The following CACNA1B variants were observed in gnomAD, a reference collection of about 807,000 sequenced individuals.
CACNA1B encodes calcium voltage-gated channel subunit alpha1 B, also known as voltage-dependent N-type calcium channel subunit alpha-1B.
CACNA1B carries 70 observed loss-of-function variants against 247.2 expected under a neutral mutation model. That is an observed-to-expected ratio of 0.28 (90% CI 0.23 to 0.35). The LOEUF (loss-of-function observed/expected upper bound fraction) is 0.35. Among genes scored for constraint, CACNA1B ranks in the 10% least tolerant of loss-of-function variants. The pLI is 1.00. For missense variants in CACNA1B, 2,367 were observed against 3,197.4 expected (o/e 0.74, Z 6.26); for synonymous variants, 1,231 against 1,294.4 (o/e 0.95, Z 1.05).
intron 39 of CACNA1B, 119 bp downstream of exon 39, chr9:138,105,926 G>C (rs1200483158): frequency 3.1e-6 from 2 of 652,284 alleles, no homozygotes; most frequent in African/African-American, 3.6e-5. Context: ...TGTCTGGAGG[G>C]GTCTGAGGAC....
At chr9:138,065,354 A>G (rs146913177) in intron 31 of CACNA1B, among the ~76,000 whole-genome samples, 243 of 152,052 alleles carry the variant, frequency 1.6e-3, no homozygotes, top group African/African-American at 5.5e-3. Flanking sequence ...AGTGGCCGGC[A>G]TTGGAAGTGA....
At chr9:138,016,280 G>A (rs1050945807) in intron 18 of CACNA1B, among the ~76,000 whole-genome samples, 1 of 152,258 alleles carries the variant, frequency 6.6e-6, no homozygotes, top group Non-Finnish European at 1.5e-5. Context: ...GGCACAGAGA[G>A]CTTGGCCTTG....
At chr9:138,108,947 C>T (rs568608690) in intron 39 of CACNA1B, among the ~76,000 whole-genome samples, 8 of 152,256 alleles carry the variant, frequency 5.3e-5, no homozygotes, top group East Asian at 1.9e-4. Context: ...CCACTGCACC[C>T]GGCCAAACTG....
At chr9:137,946,140 C>T (rs781549670) in intron 6 of CACNA1B, among the ~76,000 whole-genome samples, 1 of 152,112 alleles carries the variant, frequency 6.6e-6, no homozygotes, top group Non-Finnish European at 1.5e-5. Flanking sequence ...TTTAAAACAA[C>T]AGTCATTTTA....
chr9:138,064,500 A>G (rs1564268168), intron 31 of CACNA1B, among the ~76,000 whole-genome samples: 1 of 152,190 alleles, frequency 6.6e-6, no homozygotes, highest in African/African-American at 2.4e-5. Context: ...ATTCTTTTGA[A>G]TTCTATATTT....
Position 137,919,499 on chromosome 9 carries a change from G to A in CACNA1B, c.966+2068G>A, listed in dbSNP as rs945893830. Among the ~76,000 whole-genome samples the A allele has an allele frequency of 6.6e-6, 1 of 152,216 alleles. No homozygotes were observed. Among genetic ancestry groups the A allele is most frequent in the South Asian group, 2.1e-4 (1 of 4,834 alleles). On this transcript the variant is annotated intron_variant, in intron 6 of 46. Coordinates refer to ENST00000371372, the MANE Select transcript of CACNA1B (RefSeq NM_000718.4). This position sits in a 1 kb window ranked among gnomAD's most constrained non-coding sequence, Gnocchi z 4.6. ...GCCCCAGAGCAGGTAGCCAAGAACC[G>A]ACCAGTCCGCTCCTCCACACTAAGG... is the stretch of plus-strand genomic sequence containing the variant.
chr9:137,982,902 G>A (rs1261752314), intron 12 of CACNA1B, among the ~76,000 whole-genome samples: 2 of 152,196 alleles, frequency 1.3e-5, no homozygotes, highest in Non-Finnish European at 2.9e-5. Flanking sequence ...TCTGAATGGC[G>A]ATCTGTGGAC....
intron 31 of CACNA1B, among the ~76,000 whole-genome samples, chr9:138,066,115 A>C (rs28756857): frequency 0.2 from 31,064 of 152,192 alleles, 9,233 homozygotes; most frequent in African/African-American, 0.66. Flanking sequence ...CAGTTGGATA[A>C]GGAAGAGATC....
intron 35 of CACNA1B, among the ~76,000 whole-genome samples, chr9:138,077,019 C>T (rs80205796): frequency 0.014 from 2,081 of 152,320 alleles, 51 homozygotes; most frequent in African/African-American, 0.047. Context: ...CCTCATGCCG[C>T]GGAAGACTTA....
intron 16 of CACNA1B, among the ~76,000 whole-genome samples, chr9:138,009,801 G>C (rs1329123216): frequency 1.3e-5 from 2 of 152,168 alleles, no homozygotes; most frequent in Non-Finnish European, 2.9e-5. Context: ...AGGAGGGATT[G>C]GCAGAGAGGC....
intron 10 of CACNA1B, among the ~76,000 whole-genome samples, chr9:137,958,283 T>C (rs1957972662): frequency 6.6e-6 from 1 of 152,196 alleles, no homozygotes; most frequent in African/African-American, 2.4e-5. Flanking sequence ...CTGTCCTCAC[T>C]CAGCACTAGG....
At chr9:137,969,970 C>T (rs1958126497) in intron 10 of CACNA1B, among the ~76,000 whole-genome samples, 2 of 152,040 alleles carry the variant, frequency 1.3e-5, no homozygotes, top group African/African-American at 2.4e-5. Context: ...CATGTACACA[C>T]ATGTGTACAA....
rs752596520 is a variant in CACNA1B, at chr9:138,023,502, G to A, written c.2759G>A (p.Arg920Gln). The A allele has an allele frequency of 2.5e-5, 27 of 1,076,468 alleles. No individual in the cohort carries two copies. The South Asian group carries it at 8.7e-4, about 35-fold the overall frequency. 66.7% of individuals were successfully genotyped at this position (1,076,468 alleles called of 1,614,324 possible). A position where few individuals can be genotyped will look rare whatever the true frequency, so the allele number is the denominator to read the frequency against. ...PGPEGGRRHH[R>Q]RGSPEEAAER... is the part of the protein sequence containing the mutation. ...CCCGAGGGCGGCCGGCGGCACCACC[G>A]GCGCGGCTCCCCGGAGGAGGCGGCC... The change falls in exon 19 of 47, where the codon CGG becomes CAG. Residue 920 changes from arginine (R) to glutamine (Q), a missense_variant. Physicochemically the swap from Arg to Gln is conservative, Grantham distance 43 (BLOSUM62 1). This residue lies in a region of CACNA1B where 631 missense variants were observed against 631.1 expected (regional missense o/e 1.00). Coordinates refer to ENST00000371372, the MANE Select transcript of CACNA1B (RefSeq NM_000718.4).
intron 40 of CACNA1B, among the ~76,000 whole-genome samples, chr9:138,113,488 CT>C (rs1961735500): frequency 6.6e-6 from 1 of 151,308 alleles, no homozygotes; most frequent in Non-Finnish European, 1.5e-5. Flanking sequence ...CCAACTCCAT[CT>C]TGTGGGAGAC....
At chr9:137,905,547 G>A (rs1299216906) in intron 3 of CACNA1B, among the ~76,000 whole-genome samples, 1 of 151,970 alleles carries the variant, frequency 6.6e-6, no homozygotes, top group Non-Finnish European at 1.5e-5. Flanking sequence ...ATTGTATGTT[G>A]AATAAATTAA....
At position 138,100,451 on chromosome 9, in the gene CACNA1B, C is replaced by G. The variant is rs1050173861; in HGVS notation, c.5223-2260C>G. ...CGTGTGTCCAGCCCCCCGTGGTGGT[C>G]CCTTGGCTGCCACAACCTTAGCAAA... On this transcript the variant is annotated intron_variant, in intron 37 of 46. Coordinates refer to ENST00000371372, the MANE Select transcript of CACNA1B (RefSeq NM_000718.4). The surrounding 1 kb of genome is among the most constrained non-coding windows in gnomAD (Gnocchi z 4.6). Among the ~76,000 whole-genome samples the G allele has an allele frequency of 6.6e-6, 1 of 152,052 alleles. No individual in the cohort carries two copies. Among genetic ancestry groups the G allele is most frequent in the Non-Finnish European group, 1.5e-5 (1 of 68,006 alleles).
At chr9:138,046,297 G>T (rs537885482) in intron 21 of CACNA1B, among the ~76,000 whole-genome samples, 1 of 152,352 alleles carries the variant, frequency 6.6e-6, no homozygotes, top group South Asian at 2.1e-4. Context: ...AGGCGAGCAC[G>T]TGGCAGTGTG....
rs201499802 is a variant in CACNA1B at position 137,882,840 on chromosome 9, C to A, written c.487C>A (p.Arg163=). 84 of 1,613,808 alleles carry A rather than the reference C, an allele frequency of 5.2e-5. 1 individual carries two copies. The highest frequency in any genetic ancestry group is 7.0e-5 in the Non-Finnish European group (82 of 1,179,844). The change falls in exon 3 of 47, where the codon CGG becomes AGG. Residue 163 remains arginine (R), a synonymous_variant. Coordinates refer to ENST00000371372, the MANE Select transcript of CACNA1B (RefSeq NM_000718.4). This position sits in a 1 kb window ranked among gnomAD's most constrained non-coding sequence, Gnocchi z 4.0. ...GFVFHKGSYL[R]NGWNVMDFVV... is the part of the protein sequence containing the mutation. ...TGTCTTCCACAAGGGCTCTTACCTGCGGAACGGCTGGAACGTCATGGACTT... is the reference window on the plus strand; with the variant it reads ...TGTCTTCCACAAGGGCTCTTACCTGAGGAACGGCTGGAACGTCATGGACTT...
chr9:138,052,236 G>C lies in CACNA1B; in HGVS notation c.3807+48G>C. The C allele has an allele frequency of 1.1e-6, 1 of 876,476 alleles. No individual in the cohort carries two copies. The highest frequency in any genetic ancestry group is 1.8e-6 in the Non-Finnish European group (1 of 552,236). The allele number at this position is 876,476 out of a possible 1,614,324, so 54.3% of individuals were successfully genotyped here. On this transcript the variant is annotated intron_variant, in intron 25 of 46. Coordinates refer to ENST00000371372, the MANE Select transcript of CACNA1B (RefSeq NM_000718.4). This position sits in a 1 kb window ranked among gnomAD's most constrained non-coding sequence, Gnocchi z 5.1. ...TGAGGGATGTGCTGTGTGTGTGTGC[G>C]TGTGTGTGTGTGCGTGTGTGTGTGT...
Sources: gnomAD v4.1 joint callset for allele counts (sites outside exome capture counted in the v4.1 genomes callset) on GRCh38, gnomAD v4.1.1 for gene constraint, gnomAD v4.1.1 regional missense constraint, Gnocchi (gnomAD v3.1) non-coding constraint, MANE v1.5 for transcripts, NCBI Gene and HGNC (gene_info 2026-07-23, HGNC 2026-07-21) for gene names.